Variants in CRTAC1 observed in about 807,000 individuals in gnomAD.
The protein encoded by CRTAC1 is acidic secreted protein in cartilage.
CRTAC1 carries 37 observed loss-of-function variants against 67.8 expected under a neutral mutation model. The observed-to-expected ratio is 0.55, with a 90% CI of 0.42 to 0.72. The LOEUF (loss-of-function observed/expected upper bound fraction) is 0.72, where lower values mean the gene tolerates loss of function less well. Ranked by LOEUF, CRTAC1 falls within the 30% of genes least tolerant of loss-of-function variation. The probability of loss-of-function intolerance (pLI) is 0.00; values close to 1 mark genes in which losing one functional copy is unlikely to be tolerated. For missense variants in CRTAC1, 780 were observed against 931.6 expected (o/e 0.84, Z 2.12); for synonymous variants, 348 against 371.0 (o/e 0.94, Z 0.71).
At chr10:98,016,688 G>A (rs925165484) in intron 1 of CRTAC1, among the ~76,000 whole-genome samples, 3 of 152,188 alleles carry the variant, frequency 2.0e-5, no homozygotes, top group Non-Finnish European at 4.4e-5. Context: ...TTTGAGTGCT[G>A]TGTATTTTTA....
chr10:97,933,605 G>A (rs920946173), intron 3 of CRTAC1, among the ~76,000 whole-genome samples: 1 of 152,256 alleles, frequency 6.6e-6, no homozygotes, highest in Non-Finnish European at 1.5e-5. Flanking sequence ...GATTGGGAGA[G>A]GGGACTCAGA....
rs138604074 is a variant in CRTAC1, at chr10:97,915,337, G to A, written c.715+2163C>T. On this transcript the variant is annotated intron_variant, in intron 5 of 14. Coordinates refer to ENST00000370597, the MANE Select transcript of CRTAC1 (RefSeq NM_018058.7). ...ACCAACCTCCTGTGTGACCTTGGGC[G>A]AGTCCCTTCTCCTCCCTGGATCTCC... 2.1e-3 allele frequency among the ~76,000 whole-genome samples: 320 copies of A among 152,348 alleles called. 2 individuals are homozygous for A. The highest frequency in any genetic ancestry group is 0.01 in the Middle Eastern group (3 of 294).
At chr10:97,965,026 A>G (rs1303240588) in intron 2 of CRTAC1, among the ~76,000 whole-genome samples, 1 of 152,162 alleles carries the variant, frequency 6.6e-6, no homozygotes, top group African/African-American at 2.4e-5. Context: ...CAACATGCGC[A>G]CAGATGAATT....
chr10:97,912,280 C>T (rs1251975499), intron 5 of CRTAC1, among the ~76,000 whole-genome samples: 1 of 152,178 alleles, frequency 6.6e-6, no homozygotes, highest in Non-Finnish European at 1.5e-5. Flanking sequence ...GCTTCAAAGA[C>T]CTCCTTGTTC....
At chr10:97,946,382 G>T (rs1049881839) in intron 2 of CRTAC1, among the ~76,000 whole-genome samples, 1 of 152,116 alleles carries the variant, frequency 6.6e-6, no homozygotes, top group African/African-American at 2.4e-5. Context: ...TCTCTCACAT[G>T]ATCCTCCTTC....
chr10:97,999,455 G>T (rs967661670), intron 2 of CRTAC1, among the ~76,000 whole-genome samples: 1 of 152,256 alleles, frequency 6.6e-6, no homozygotes, highest in African/African-American at 2.4e-5. Context: ...TGACATGCCA[G>T]CCGCCTGCTG....
chr10:97,887,188 G>A (rs899411887), intron 11 of CRTAC1, among the ~76,000 whole-genome samples: 8 of 150,156 alleles, frequency 5.3e-5, no homozygotes, highest in African/African-American at 2.0e-4. Context: ...AATATTCATA[G>A]ACAATCACAG....
At position 97,901,498 on chromosome 10, in the gene CRTAC1, T is replaced by G. The variant is rs201428083; in HGVS notation, c.1133+5A>C. 7.4e-6 allele frequency: 12 copies of G among 1,614,124 alleles called. No individual in the cohort carries two copies. Among genetic ancestry groups the G allele is most frequent in the Non-Finnish European group, 1.0e-5 (12 of 1,179,990 alleles). On this transcript the variant is annotated splice_donor_5th_base_variant and intron_variant, in intron 8 of 14. Transcript: ENST00000370597. ...AAGAGCCACGAGCCAGGATGGAGCA[T>G]CTACCGGAAGAGGCGGTTGGCTGAG...
chr10:97,976,888 C>T (rs1256114030), intron 2 of CRTAC1, among the ~76,000 whole-genome samples: 2 of 152,192 alleles, frequency 1.3e-5, no homozygotes, highest in African/African-American at 2.4e-5. Flanking sequence ...CTTTATACAG[C>T]TCAATAAGTG....
intron 2 of CRTAC1, among the ~76,000 whole-genome samples, chr10:97,939,393 C>G (rs2051137729): frequency 6.6e-6 from 1 of 152,212 alleles, no homozygotes; most frequent in South Asian, 2.1e-4. Context: ...GCCACAAAGG[C>G]TTCCCTAAAC....
intron 5 of CRTAC1, among the ~76,000 whole-genome samples, chr10:97,913,882 A>T (rs2050723436): frequency 6.6e-6 from 1 of 152,224 alleles, no homozygotes; most frequent in Non-Finnish European, 1.5e-5. Flanking sequence ...AGAAGGCCTC[A>T]GCTGGGCTTT....
At chr10:97,997,309 C>T (rs1230282814) in intron 2 of CRTAC1, among the ~76,000 whole-genome samples, 2 of 144,416 alleles carry the variant, frequency 1.4e-5, no homozygotes, top group East Asian at 4.0e-4. Context: ...AAAAATTAGC[C>T]AGGTGTGATG....
At chr10:97,968,208 C>T (rs1448528951) in intron 2 of CRTAC1, among the ~76,000 whole-genome samples, 1 of 152,174 alleles carries the variant, frequency 6.6e-6, no homozygotes, top group African/African-American at 2.4e-5. Flanking sequence ...CTGCTGCTCC[C>T]TTAAGGTCCT....
chr10:98,030,374 C>T lies in CRTAC1; in HGVS notation c.24+75G>A. ...GCGGCGTCCCCGCCACCCTTGCGGG[C>T]GGATCCGGGGGGGCGCGCAGAGCTG... On this transcript the variant is annotated intron_variant, in intron 1 of 14. Coordinates refer to ENST00000370597, the MANE Select transcript of CRTAC1 (RefSeq NM_018058.7). The surrounding 1 kb of genome is among the most constrained non-coding windows in gnomAD (Gnocchi z 4.2). 2 of 968,692 alleles carry T rather than the reference C, an allele frequency of 2.1e-6. No individual in the cohort carries two copies. Among genetic ancestry groups the T allele is most frequent in the Non-Finnish European group, 2.7e-6 (2 of 733,522 alleles). 60.0% of individuals were successfully genotyped at this position (968,692 alleles called of 1,614,324 possible). A position where few individuals can be genotyped will look rare whatever the true frequency, so the allele number is the denominator to read the frequency against.
At chr10:97,911,541 G>T (rs2050688161) in intron 5 of CRTAC1, among the ~76,000 whole-genome samples, 1 of 152,182 alleles carries the variant, frequency 6.6e-6, no homozygotes, top group Admixed American at 6.5e-5. Context: ...CAGGAAGCTG[G>T]CCTCCTGGGT....
rs116653023 is a variant in CRTAC1 at position 97,934,015 on chromosome 10, G to A, written c.421+2155C>T. ...ATTCACAATGCAACACTCTAAGAGC[G>A]TGGGAGGGGCTGCTGCTTCAGAGAT... On this transcript the variant is annotated intron_variant, in intron 3 of 14. Transcript: ENST00000370597. Among the ~76,000 whole-genome samples, 1,100 of 152,312 alleles carry A rather than the reference G, an allele frequency of 7.2e-3. 13 individuals are homozygous for A. The highest frequency in any genetic ancestry group is 0.024 in the African/African-American group (1,009 of 41,560).
chr10:97,992,487 T>G (rs1842481391), intron 2 of CRTAC1, among the ~76,000 whole-genome samples: 1 of 152,244 alleles, frequency 6.6e-6, no homozygotes, highest in African/African-American at 2.4e-5. Context: ...AAGAGGTATC[T>G]GCACTCCCAT....
At position 98,030,512 on chromosome 10, in the gene CRTAC1, C is replaced by T; in HGVS notation, c.-40G>A. 8.1e-7 allele frequency: 1 copy of T among 1,237,312 alleles called. No individual in the cohort carries two copies. The highest frequency in any genetic ancestry group is 1.0e-6 in the Non-Finnish European group (1 of 982,186). The allele number at this position is 1,237,312 out of a possible 1,614,324, so 76.6% of individuals were successfully genotyped here. A position where few individuals can be genotyped will look rare whatever the true frequency, so the allele number is the denominator to read the frequency against. ...CCCCGCCGCCTAGGGGCGTGGGAAGCGGGCGCTCGCTGCCGCCTCTGCCGC... is the reference window on the plus strand; with the variant it reads ...CCCCGCCGCCTAGGGGCGTGGGAAGTGGGCGCTCGCTGCCGCCTCTGCCGC... On this transcript the variant is annotated 5_prime_UTR_variant, in exon 1 of 15. Transcript: ENST00000370597. The surrounding 1 kb of genome is among the most constrained non-coding windows in gnomAD (Gnocchi z 4.2).
chr10:97,902,271 G>T (rs1209576672), intron 7 of CRTAC1, among the ~76,000 whole-genome samples: 1 of 152,220 alleles, frequency 6.6e-6, no homozygotes, highest in African/African-American at 2.4e-5. Context: ...GGCACAGAGT[G>T]GGCATGACAT....
Sources: gnomAD v4.1 joint callset for allele counts (sites outside exome capture counted in the v4.1 genomes callset) on GRCh38, gnomAD v4.1.1 for gene constraint, Gnocchi (gnomAD v3.1) non-coding constraint, MANE v1.5 for transcripts, NCBI Gene and HGNC (gene_info 2026-07-23, HGNC 2026-07-21) for gene names.